Variants in BBIP1 observed in about 807,000 individuals in gnomAD.
BBIP1 encodes the protein BBSome-interacting protein 1.
BBIP1 carries 6 observed loss-of-function variants against 8.9 expected under a neutral mutation model. That is an observed-to-expected ratio of 0.67 (90% CI 0.37 to 1.33). BBIP1 has a LOEUF of 1.33. Ranked by LOEUF, BBIP1 falls within the 40% of genes most tolerant of loss-of-function variation. The probability of loss-of-function intolerance (pLI) is 0.02; values close to 1 mark genes in which losing one functional copy is unlikely to be tolerated. For synonymous variants in BBIP1, 32 were observed against 33.4 expected (o/e 0.96, Z 0.14); for missense variants, 111 against 109.2 (o/e 1.02, Z -0.07).
At chr10:110,908,042 T>C in intron 2 of BBIP1, 1 of 360,716 alleles carries the variant, frequency 2.8e-6, no homozygotes. Flanking sequence ...AATGTCACTT[T>C]CAATATGGCA....
At chr10:110,906,758 C>T (rs1249958241) in intron 2 of BBIP1, 3 of 152,326 alleles carry the variant, frequency 2.0e-5, no homozygotes, top group Non-Finnish European at 2.9e-5. Context: ...CAGGGTTTCA[C>T]CATGTTGGCC....
At chr10:110,914,421 TCAAAAA>T in intron 2 of BBIP1, among the ~76,000 whole-genome samples, 1 of 152,014 alleles carries the variant, frequency 6.6e-6, no homozygotes, top group African/African-American at 2.4e-5. Context: ...AGATGAATTT[TCAAAAA>T]CATACTAGAT....
chr10:110,904,073 T>C (rs1846072470), intron 2 of BBIP1: 1 of 152,126 alleles, frequency 6.6e-6, no homozygotes, highest in African/African-American at 2.4e-5. Flanking sequence ...CAGACATGGG[T>C]GATTTGCTTA....
chr10:110,905,371 G>A (rs146468221), intron 2 of BBIP1, among the ~76,000 whole-genome samples: 8,827 of 152,118 alleles, frequency 0.058, 330 homozygotes, highest in African/African-American at 0.11. Context: ...GATCATCCTG[G>A]CTAACATGGT....
chr10:110,913,093 G>A (rs897916019), intron 2 of BBIP1, among the ~76,000 whole-genome samples: 1 of 152,042 alleles, frequency 6.6e-6, no homozygotes, highest in Non-Finnish European at 1.5e-5. Context: ...TTGCTCTCTG[G>A]TGCTAACTAG....
In BBIP1 at chr10:110,901,600, A is replaced by T. The variant is rs879329788; in HGVS notation, c.50T>A (p.Ile17Lys). The change falls in exon 3 of 4, where the codon ATA becomes AAA. Residue 17 changes from isoleucine to lysine, a missense_variant. Transcript: ENST00000448814. ...TTCTGCCATATCTGAGTTGTTGGAT[A>T]TAGTGTTTTTTCCTTCAATGAGAAA... ...KRPELSGKNT[I>K]SNNSDMAEVK... The T allele has an allele frequency of 1.7e-5, 26 of 1,535,056 alleles. No individual in the cohort carries two copies. Among genetic ancestry groups the T allele is most frequent in the Non-Finnish European group, 2.1e-5 (24 of 1,146,084 alleles).
At position 110,900,105 on chromosome 10, in the gene BBIP1, T is replaced by C. The variant is rs541277892; in HGVS notation, c.*255A>G. 2 of 348,852 alleles carry C rather than the reference T, an allele frequency of 5.7e-6. No individual in the cohort carries two copies. The highest frequency in any genetic ancestry group is 4.2e-5 in the African/African-American group (2 of 47,396). 21.6% of individuals were successfully genotyped at this position (348,852 alleles called of 1,614,324 possible). The stretch of plus-strand genomic sequence containing the variant: ...AGCAATAGGAATGGTGAACAAATAA[T>C]TTAATTTGCAATTCTAAAAACATGA... On this transcript the variant is annotated 3_prime_UTR_variant, in exon 4 of 4. Coordinates refer to ENST00000448814, the MANE Select transcript of BBIP1 (RefSeq NM_001195305.3).
At chr10:110,914,622 G>A (rs948052485) in intron 2 of BBIP1, among the ~76,000 whole-genome samples, 5 of 152,196 alleles carry the variant, frequency 3.3e-5, no homozygotes, top group African/African-American at 9.6e-5. Flanking sequence ...GTCATATGTC[G>A]GAGACTACAG....
intron 1 of BBIP1, 24 bp from the exon 2 acceptor site, chr10:110,918,237 T>G: frequency 8.2e-7 from 1 of 1,218,256 alleles, no homozygotes; most frequent in South Asian, 1.3e-5. Flanking sequence ...TATGATAACT[T>G]TGTAAAGGGC....
At chr10:110,907,634 A>C (rs1350221496) in intron 2 of BBIP1, 3 of 589,434 alleles carry the variant, frequency 5.1e-6, no homozygotes, top group Non-Finnish European at 9.1e-6. Context: ...TTATCAGCAG[A>C]CACTACATAT....
intron 3 of BBIP1, chr10:110,901,330 A>G (rs1339218763): frequency 3.6e-6 from 2 of 558,668 alleles, no homozygotes; most frequent in Non-Finnish European, 6.4e-6. Flanking sequence ...TAGCTAATTA[A>G]TAGGCAATTT....
At chr10:110,912,635 CAT>C (rs1487466882) in intron 2 of BBIP1, among the ~76,000 whole-genome samples, 4 of 152,136 alleles carry the variant, frequency 2.6e-5, no homozygotes, top group African/African-American at 7.2e-5. Flanking sequence ...AAAATGAAAA[CAT>C]ATTGTGGATG....
At chr10:110,914,165 A>C (rs1163983322) in intron 2 of BBIP1, among the ~76,000 whole-genome samples, 1 of 152,224 alleles carries the variant, frequency 6.6e-6, no homozygotes, top group Non-Finnish European at 1.5e-5. Context: ...TTTTATCATT[A>C]ATGGGCATTG....
intron 2 of BBIP1, among the ~76,000 whole-genome samples, chr10:110,917,721 TACCAA>T (rs1239635224): frequency 6.6e-6 from 1 of 152,212 alleles, no homozygotes; most frequent in Non-Finnish European, 1.5e-5. Flanking sequence ...AGTAAGTATT[TACCAA>T]AATAATATCA....
At chr10:110,918,975 G>T in intron 1 of BBIP1, 146 bp downstream of exon 1, 1 of 152,434 alleles carries the variant, frequency 6.6e-6, no homozygotes, top group Non-Finnish European at 1.5e-5. Context: ...GAATTTCGGA[G>T]CCCTAAACTG....
At chr10:110,918,344 C>T (rs567692915) in intron 1 of BBIP1, 131 bp from the exon 2 acceptor site, 5 of 572,456 alleles carry the variant, frequency 8.7e-6, no homozygotes, top group African/African-American at 1.9e-5. Flanking sequence ...GCAGTCAAAG[C>T]TTACAAAGAC....
intron 2 of BBIP1, chr10:110,907,687 GC>G (rs1846179633): frequency 2.9e-6 from 2 of 684,342 alleles, no homozygotes; most frequent in Non-Finnish European, 5.3e-6. Flanking sequence ...AACCTCGCTT[GC>G]TTGTATACCC....
chr10:110,901,273 CCTGT>C (rs796689962), intron 3 of BBIP1: 33 of 442,222 alleles, frequency 7.5e-5, no homozygotes, highest in African/African-American at 5.0e-4. Context: ...AGAGTGACAA[CCTGT>C]CTCTTAAAAA....
rs1017257887 is a variant in BBIP1, at chr10:110,900,017, G to A, written c.*343C>T. On this transcript the variant is annotated 3_prime_UTR_variant, in exon 4 of 4. Transcript: ENST00000448814. ...TAAAGATCCTCTGTATATAAAAGTT[G>A]TATTTAATCCCTTGTGCCCAAGAAT... The A allele has an allele frequency of 5.3e-6, 1 of 187,840 alleles. No individual in the cohort carries two copies. The highest frequency in any genetic ancestry group is 1.8e-4 in the South Asian group (1 of 5,522). 11.6% of individuals were successfully genotyped at this position (187,840 alleles called of 1,614,324 possible). A position where few individuals can be genotyped will look rare whatever the true frequency, so the allele number is the denominator to read the frequency against.
Sources: allele counts gnomAD v4.1 joint callset (sites outside exome capture counted in the v4.1 genomes callset), GRCh38; gene constraint gnomAD v4.1.1; transcripts MANE v1.5; gene names NCBI Gene and HGNC (gene_info 2026-07-23, HGNC 2026-07-21).